SYT7: variants seen among roughly 807,000 people sequenced by gnomAD.
SYT7 encodes the protein synaptotagmin-7.
SYT7 carries 29 observed loss-of-function variants against 75.1 expected under a neutral mutation model. That is an observed-to-expected ratio of 0.39 (90% confidence interval 0.29 to 0.53). The LOEUF (loss-of-function observed/expected upper bound fraction) is 0.53, where lower values mean the gene tolerates loss of function less well. Ranked by LOEUF, SYT7 falls within the 20% of genes least tolerant of loss-of-function variation. SYT7 has a pLI of 0.77. For missense variants in SYT7, 693 were observed against 953.2 expected (o/e 0.73, Z 3.59); for synonymous variants, 376 against 401.7 (o/e 0.94, Z 0.76).
Position 61,532,973 on chromosome 11 carries a change from G to T in SYT7, c.1200+16C>A, listed in dbSNP as rs748967583. 46 of 1,612,186 alleles carry T rather than the reference G, an allele frequency of 2.9e-5. No individual in the cohort carries two copies. Among genetic ancestry groups the T allele is most frequent in the Non-Finnish European group, 3.8e-5 (45 of 1,179,912 alleles). ...AGCCCAGTTCCTTGGAGCAGCGCAG[G>T]CTCCCTCATTCTCACCATGAGCATC... On this transcript the variant is annotated intron_variant, in intron 8 of 12. Coordinates refer to ENST00000539008, the MANE Select transcript of SYT7 (RefSeq NM_001365809.2).
At chr11:61,528,521 G>A (rs551414251) in intron 8 of SYT7, among the ~76,000 whole-genome samples, 55 of 152,228 alleles carry the variant, frequency 3.6e-4, no homozygotes, top group African/African-American at 1.2e-3. Context: ...CTTCCCTGGC[G>A]CGTGCTGGGG....
At chr11:61,574,173 G>A (rs955128783) in intron 1 of SYT7, among the ~76,000 whole-genome samples, 21 of 152,218 alleles carry the variant, frequency 1.4e-4, no homozygotes, top group African/African-American at 2.7e-4. Flanking sequence ...AACAGCTACC[G>A]CTGGCTGAGT....
intron 12 of SYT7, among the ~76,000 whole-genome samples, chr11:61,522,508 C>T (rs1383871122): frequency 6.6e-6 from 1 of 152,138 alleles, no homozygotes; most frequent in African/African-American, 2.4e-5. Context: ...ACAAGAAGAA[C>T]ATCCACATAC....
At chr11:61,569,357 G>A (rs1232673572) in intron 1 of SYT7, among the ~76,000 whole-genome samples, 1 of 152,130 alleles carries the variant, frequency 6.6e-6, no homozygotes, top group Non-Finnish European at 1.5e-5. Context: ...GCTGATGGAG[G>A]AGCAAAGAGC....
Position 61,580,830 on chromosome 11 carries a change from G to C in SYT7, c.-10C>G. The C allele has an allele frequency of 7.9e-7, 1 of 1,263,966 alleles. No homozygotes were observed. Among genetic ancestry groups the C allele is most frequent in the Non-Finnish European group, 1.0e-6 (1 of 1,002,406 alleles). 78.3% of individuals were successfully genotyped at this position (1,263,966 alleles called of 1,614,324 possible). ...CCGGGTCCCGGTACATGGTCCCCTC[G>C]TCGCCGGTTCCCTCCGGGCTCCTCA... is the stretch of plus-strand genomic sequence containing the variant. On this transcript the variant is annotated 5_prime_UTR_variant, in exon 1 of 13. Transcript: ENST00000539008. The surrounding 1 kb of genome is among the most constrained non-coding windows in gnomAD (Gnocchi z 6.1).
rs537117671 is a variant in SYT7 at position 61,576,659 on chromosome 11, C to G, written c.31+4131G>C. On this transcript the variant is annotated intron_variant, in intron 1 of 12. Transcript: ENST00000539008. The surrounding 1 kb of genome is among the most constrained non-coding windows in gnomAD (Gnocchi z 4.1). ...GGGAACCAGTTATTGAAAACGAAAA[C>G]GGTCCATCAGATTCAATAAGGATTC... Among the ~76,000 whole-genome samples, 1 of 137,416 alleles carries G rather than the reference C, an allele frequency of 7.3e-6. No homozygotes were observed. Among genetic ancestry groups the G allele is most frequent in the Non-Finnish European group, 1.5e-5 (1 of 64,964 alleles). The allele number at this position is 137,416 out of a possible 152,430, so 90.2% of individuals were successfully genotyped here.
At chr11:61,547,425 G>A in intron 3 of SYT7, 117 bp from the exon 4 acceptor site, 1 of 1,213,706 alleles carries the variant, frequency 8.2e-7, no homozygotes. Context: ...AGTGGGCGGG[G>A]CTTCGTGGGT....
chr11:61,518,619 G>A lies in SYT7; in HGVS notation c.*8C>T, dbSNP rs558621458. 386 of 1,538,874 alleles carry A rather than the reference G, an allele frequency of 2.5e-4. 4 individuals carry two copies. In the South Asian group the frequency reaches 4.6e-3, roughly 18 times the overall value. ...GCCCTCGGCCCCCTGGGCCTCCCTT[G>A]GCCCCACTCAGGCCTTCAGCTGGTG... On this transcript the variant is annotated 3_prime_UTR_variant, in exon 13 of 13. Coordinates refer to ENST00000539008, the MANE Select transcript of SYT7 (RefSeq NM_001365809.2).
At chr11:61,584,412 A>T (rs1410229930), upstream of SYT7, among the ~76,000 whole-genome samples, 1 of 152,090 alleles carries the variant, frequency 6.6e-6, no homozygotes, top group African/African-American at 2.4e-5. Context: ...AAAAAAGGAA[A>T]AAAAAAGATA....
In SYT7 at chr11:61,518,483, T is replaced by C; in HGVS notation, c.*144A>G. The C allele has an allele frequency of 3.9e-6, 2 of 518,218 alleles. No individual in the cohort carries two copies. The highest frequency in any genetic ancestry group is 6.7e-6 in the Non-Finnish European group (2 of 298,032). 32.1% of individuals were successfully genotyped at this position (518,218 alleles called of 1,614,324 possible). ...GTACTTCCTAGAAACGGGGCCCAGTTGAGTCCTGGGACCCCTCCCTGGCTG... is the reference window on the plus strand; with the variant it reads ...GTACTTCCTAGAAACGGGGCCCAGTCGAGTCCTGGGACCCCTCCCTGGCTG... On this transcript the variant is annotated 3_prime_UTR_variant, in exon 13 of 13. Coordinates refer to ENST00000539008, the MANE Select transcript of SYT7 (RefSeq NM_001365809.2).
At chr11:61,539,995 T>C (rs535707795) in intron 6 of SYT7, 1 of 152,322 alleles carries the variant, frequency 6.6e-6, no homozygotes, top group African/African-American at 2.4e-5. Flanking sequence ...GCTCGGGAGC[T>C]AGTTGTGCTG....
Position 61,523,410 on chromosome 11 carries a change from G to T in SYT7, c.1757-136C>A. 1 of 790,438 alleles carries T rather than the reference G, an allele frequency of 1.3e-6. No individual in the cohort carries two copies. Among genetic ancestry groups the T allele is most frequent in the East Asian group, 2.6e-5 (1 of 39,080 alleles). 49.0% of individuals were successfully genotyped at this position (790,438 alleles called of 1,614,324 possible). A position where few individuals can be genotyped will look rare whatever the true frequency, so the allele number is the denominator to read the frequency against. Reference sequence around the variant, plus strand: ...CAGAGGCAAGGAAAGACCCAGGCAAGAACAAGAGGGACCTGGGAGAATCAG... The same window carrying T: ...CAGAGGCAAGGAAAGACCCAGGCAATAACAAGAGGGACCTGGGAGAATCAG... On this transcript the variant is annotated intron_variant, in intron 11 of 12. Transcript: ENST00000539008. This position sits in a 1 kb window ranked among gnomAD's most constrained non-coding sequence, Gnocchi z 5.0.
rs562339402 is a variant in SYT7, at chr11:61,555,300, G to GTCGCCCCCC, written c.135+795_135+803dup. Reference sequence around the variant, plus strand: ...CACCTCGGACACCCCCGGGCCCACCGTCGCCCCCCTCGCCCCCTGCTGCCC... The same window carrying GTCGCCCCCC: ...CACCTCGGACACCCCCGGGCCCACCGTCGCCCCCCTCGCCCCCCTCGCCCCCTGCTGCCC... On this transcript the variant is annotated intron_variant, in intron 2 of 12. Transcript: ENST00000539008. Among the ~76,000 whole-genome samples the GTCGCCCCCC allele has an allele frequency of 3.5e-4, 54 of 152,306 alleles. 1 individual carries two copies. In the South Asian group the frequency reaches 0.011, roughly 31 times the overall value.
At position 61,542,595 on chromosome 11, in the gene SYT7, G is replaced by A. The variant is rs1205575043; in HGVS notation, c.573-16C>T. ...GTCCTCGAAACTTGGGGCAGGTGGA[G>A]GAGAGGAGAGAAAGGAGAAGCAGAT... On this transcript the variant is annotated splice_polypyrimidine_tract_variant and intron_variant, in intron 5 of 12. Transcript: ENST00000539008. The surrounding 1 kb of genome is among the most constrained non-coding windows in gnomAD (Gnocchi z 7.8). The A allele has an allele frequency of 2.7e-6, 4 of 1,477,446 alleles. No individual in the cohort carries two copies. The highest frequency in any genetic ancestry group is 2.1e-4 in the Middle Eastern group (1 of 4,872). 91.5% of individuals were successfully genotyped at this position (1,477,446 alleles called of 1,614,324 possible). A position where few individuals can be genotyped will look rare whatever the true frequency, so the allele number is the denominator to read the frequency against.
chr11:61,567,783 G>A (rs1038101330), intron 1 of SYT7, among the ~76,000 whole-genome samples: 6 of 152,218 alleles, frequency 3.9e-5, no homozygotes, highest in Non-Finnish European at 8.8e-5. Flanking sequence ...GCGAAGCAGC[G>A]GCAGACGGTT....
At chr11:61,562,010 G>A (rs1565201992) in intron 1 of SYT7, among the ~76,000 whole-genome samples, 1 of 151,510 alleles carries the variant, frequency 6.6e-6, no homozygotes, top group African/African-American at 2.4e-5. Context: ...ACAAGTGTGT[G>A]TGCGCGCATG....
chr11:61,568,029 C>T (rs1037498453), intron 1 of SYT7, among the ~76,000 whole-genome samples: 1 of 152,218 alleles, frequency 6.6e-6, no homozygotes, highest in Non-Finnish European at 1.5e-5. Context: ...AACCTTTCCT[C>T]TGTGGCAGGG....
intron 1 of SYT7, among the ~76,000 whole-genome samples, chr11:61,567,218 C>A (rs2063793996): frequency 6.6e-6 from 1 of 152,224 alleles, no homozygotes; most frequent in African/African-American, 2.4e-5. Context: ...ACTCACTCAA[C>A]TCTCTGGTCC....
intron 3 of SYT7, among the ~76,000 whole-genome samples, chr11:61,549,186 C>A (rs1211599082): frequency 6.6e-6 from 1 of 152,092 alleles, no homozygotes. Flanking sequence ...AAAAAAAATC[C>A]ACCCAGAGTC....
Sources: gnomAD v4.1 joint callset for allele counts (sites outside exome capture counted in the v4.1 genomes callset) on GRCh38, gnomAD v4.1.1 for gene constraint, Gnocchi (gnomAD v3.1) non-coding constraint, MANE v1.5 for transcripts, NCBI Gene and HGNC (gene_info 2026-07-23, HGNC 2026-07-21) for gene names.